The following OR11A1 variants were observed in gnomAD, a reference collection of about 807,000 sequenced individuals.
The protein encoded by OR11A1 is olfactory receptor 11A1.
For synonymous variants in OR11A1, 158 were observed against 152.2 expected (o/e 1.04, Z -0.28); for missense variants, 380 against 378.2 (o/e 1.00, Z -0.04).
intron 1 of OR11A1, among the ~76,000 whole-genome samples, chr6:29,449,576 T>G (rs1383149289): frequency 2.0e-5 from 3 of 152,210 alleles, no homozygotes; most frequent in Non-Finnish European, 4.4e-5. Context: ...TCTTCTGATA[T>G]CCTCACAACT....
intron 1 of OR11A1, chr6:29,440,607 A>G (rs1428201677): frequency 1.2e-6 from 2 of 1,613,974 alleles, no homozygotes; most frequent in Non-Finnish European, 1.7e-6. Context: ...TGAACTGCAG[A>G]TTATCCTGGC....
chr6:29,451,640 CCATCT>C (rs150029334), intron 1 of OR11A1, among the ~76,000 whole-genome samples: 2,678 of 152,168 alleles, frequency 0.018, 55 homozygotes, highest in African/African-American at 0.053. Flanking sequence ...CAGTGAGATA[CCATCT>C]CATATCAGTC....
chr6:29,444,643 C>G (rs538081039), intron 1 of OR11A1, among the ~76,000 whole-genome samples: 26 of 151,120 alleles, frequency 1.7e-4, no homozygotes, highest in African/African-American at 6.2e-4. Context: ...TGCTCTTTCT[C>G]CACCATAGAT....
At chr6:29,439,648 A>C (rs1168749016) in intron 1 of OR11A1, 2 of 235,424 alleles carry the variant, frequency 8.5e-6, no homozygotes, top group Non-Finnish European at 1.6e-5. Flanking sequence ...CCAGCCCTGC[A>C]GGAAGAATTG....
intron 1 of OR11A1, chr6:29,440,326 T>C (rs776119308): frequency 6.2e-7 from 1 of 1,614,120 alleles, no homozygotes; most frequent in Non-Finnish European, 8.5e-7. Flanking sequence ...TTCTTCTTCC[T>C]CTTCTTTGGC....
chr6:29,435,594 T>C (rs573487998), intron 1 of OR11A1, among the ~76,000 whole-genome samples: 1 of 152,342 alleles, frequency 6.6e-6, no homozygotes, highest in Non-Finnish European at 1.5e-5. Context: ...CAGTACATCA[T>C]GGACCTAACC....
chr6:29,442,084 T>C (rs1005417246), intron 1 of OR11A1, among the ~76,000 whole-genome samples: 2 of 152,222 alleles, frequency 1.3e-5, no homozygotes, highest in African/African-American at 4.8e-5. Flanking sequence ...ATAGATGTTT[T>C]TGTTAGCAAG....
intron 3 of OR11A1, among the ~76,000 whole-genome samples, chr6:29,429,182 C>T (rs1190645503): frequency 6.6e-6 from 1 of 152,106 alleles, no homozygotes; most frequent in African/African-American, 2.4e-5. Context: ...AGGTGAAAAA[C>T]TGGATGCCTC....
chr6:29,447,342 A>G (rs968286126), intron 1 of OR11A1, among the ~76,000 whole-genome samples: 4 of 152,242 alleles, frequency 2.6e-5, no homozygotes, highest in African/African-American at 9.6e-5. Context: ...CATTTTTGCA[A>G]TGGACCACAG....
chr6:29,438,743 G>C (rs73398947), intron 1 of OR11A1, among the ~76,000 whole-genome samples: 7,717 of 145,632 alleles, frequency 0.053, 377 homozygotes, highest in African/African-American at 0.14. Flanking sequence ...AGAATGCTTG[G>C]AGACTCAGAT....
At chr6:29,444,945 G>A (rs1784578938) in intron 1 of OR11A1, among the ~76,000 whole-genome samples, 1 of 152,052 alleles carries the variant, frequency 6.6e-6, no homozygotes, top group African/African-American at 2.4e-5. Flanking sequence ...TAATCCCATG[G>A]GACCCACTCA....
intron 1 of OR11A1, among the ~76,000 whole-genome samples, chr6:29,446,701 C>T (rs1784811276): frequency 6.6e-6 from 1 of 152,208 alleles, no homozygotes; most frequent in South Asian, 2.1e-4. Context: ...TAAAAGTCAT[C>T]TCTCTCCCAT....
At chr6:29,450,422 A>C (rs1785240118) in intron 1 of OR11A1, 1 of 152,222 alleles carries the variant, frequency 6.6e-6, no homozygotes, top group Non-Finnish European at 1.5e-5. Context: ...ATCCAACCTC[A>C]TCCTTGAAAA....
intron 1 of OR11A1, among the ~76,000 whole-genome samples, chr6:29,441,156 TG>T (rs1484785211): frequency 5.3e-5 from 8 of 152,198 alleles, no homozygotes. Flanking sequence ...CGCTTTCTGT[TG>T]CAAGAAACAA....
chr6:29,428,002 A>G (rs968291622), intron 4 of OR11A1, among the ~76,000 whole-genome samples: 1 of 152,158 alleles, frequency 6.6e-6, no homozygotes, highest in African/African-American at 2.4e-5. Context: ...AGTCAGCCAT[A>G]GCCTCCTTCT....
chr6:29,440,654 C>A (rs1481693083), intron 1 of OR11A1: 1 of 1,614,182 alleles, frequency 6.2e-7, no homozygotes, highest in South Asian at 1.1e-5. Flanking sequence ...TTGGCCTCAT[C>A]CTGGGCTCCT....
At chr6:29,440,636 C>G in intron 1 of OR11A1, 1 of 1,614,154 alleles carries the variant, frequency 6.2e-7, no homozygotes, top group Non-Finnish European at 8.5e-7. Context: ...TCCTCATCCT[C>G]TGCCCCTTTG....
At chr6:29,432,194 G>C (rs1256414307) in intron 1 of OR11A1, 1 of 162,526 alleles carries the variant, frequency 6.2e-6, no homozygotes, top group African/African-American at 2.4e-5. Context: ...TTACTGGAGA[G>C]CAGCCTGAAA....
rs1040823908 is a variant in OR11A1, at chr6:29,426,055, A to G, written c.*639T>C. ...GGAAAACCAGATTACAAACTCCATG[A>G]TCCAACTTGTATGTATAAATATAAA... On this transcript the variant is annotated 3_prime_UTR_variant, in exon 5 of 5. Coordinates refer to ENST00000377149, the MANE Select transcript of OR11A1 (RefSeq NM_001394828.1). 12 of 152,430 alleles carry G rather than the reference A, an allele frequency of 7.9e-5. No homozygotes were observed. Among genetic ancestry groups the G allele is most frequent in the African/African-American group, 2.9e-4 (12 of 41,454 alleles). 9.4% of individuals were successfully genotyped at this position (152,430 alleles called of 1,614,324 possible).
Sources: gnomAD v4.1 joint callset for allele counts (sites outside exome capture counted in the v4.1 genomes callset) on GRCh38, gnomAD v4.1.1 for gene constraint, MANE v1.5 for transcripts, NCBI Gene and HGNC (gene_info 2026-07-23, HGNC 2026-07-21) for gene names.